The following RALGAPA2 variants were observed in gnomAD, a reference collection of about 807,000 sequenced individuals.
RALGAPA2 encodes the protein Ral GTPase activating protein catalytic subunit alpha 2.
In RALGAPA2, 139 loss-of-function variants were observed where a neutral mutation model predicts 230.4. That is an observed-to-expected ratio of 0.60 (90% confidence interval 0.53 to 0.69). RALGAPA2 has a LOEUF of 0.69. Among genes scored for constraint, RALGAPA2 ranks in the 30% least tolerant of loss-of-function variants. RALGAPA2 has a pLI of 0.00. For synonymous variants in RALGAPA2, 847 were observed against 837.8 expected (o/e 1.01, Z -0.19); for missense variants, 2,163 against 2,276.0 (o/e 0.95, Z 1.01).
chr20:20,697,530 G>A (rs1306445254), intron 1 of RALGAPA2, among the ~76,000 whole-genome samples: 4 of 152,160 alleles, frequency 2.6e-5, no homozygotes, highest in East Asian at 1.9e-4. Context: ...TAATGTGCCA[G>A]AATGCCTTTC....
At chr20:20,625,993 C>T (rs1031616806) in intron 10 of RALGAPA2, among the ~76,000 whole-genome samples, 9 of 152,174 alleles carry the variant, frequency 5.9e-5, no homozygotes, top group Admixed American at 3.9e-4. Flanking sequence ...CTGTCATGAG[C>T]CTCTCTGCCC....
chr20:20,490,334 T>C (rs2062018434), intron 36 of RALGAPA2, among the ~76,000 whole-genome samples: 1 of 152,216 alleles, frequency 6.6e-6, no homozygotes, highest in Non-Finnish European at 1.5e-5. Flanking sequence ...GTTCTCAATG[T>C]CATTCCTTTA....
chr20:20,410,339 T>C (rs1031572697), intron 38 of RALGAPA2, among the ~76,000 whole-genome samples: 1 of 152,206 alleles, frequency 6.6e-6, no homozygotes, highest in Non-Finnish European at 1.5e-5. Context: ...ATCTTAATAA[T>C]CTTAAGAATG....
At chr20:20,425,234 A>G (rs967434433) in intron 37 of RALGAPA2, among the ~76,000 whole-genome samples, 1 of 152,198 alleles carries the variant, frequency 6.6e-6, no homozygotes, top group Non-Finnish European at 1.5e-5. Flanking sequence ...CCTATAAACA[A>G]TCTCTTAGGC....
At chr20:20,528,191 G>A (rs575811439) in intron 27 of RALGAPA2, among the ~76,000 whole-genome samples, 1 of 152,202 alleles carries the variant, frequency 6.6e-6, no homozygotes, top group Non-Finnish European at 1.5e-5. Flanking sequence ...TGTAATGAAG[G>A]AGGTGGGGAA....
At chr20:20,605,859 C>T (rs952825171) in intron 14 of RALGAPA2, among the ~76,000 whole-genome samples, 1 of 152,032 alleles carries the variant, frequency 6.6e-6, no homozygotes, top group African/African-American at 2.4e-5. Flanking sequence ...CAATGAGACT[C>T]CCCTCAACCT....
intron 31 of RALGAPA2, among the ~76,000 whole-genome samples, chr20:20,519,296 T>C (rs1473576406): frequency 6.6e-6 from 1 of 151,760 alleles, no homozygotes; most frequent in Non-Finnish European, 1.5e-5. Flanking sequence ...TGCTCATGAC[T>C]GTCACCCCCA....
intron 22 of RALGAPA2, 113 bp downstream of exon 22, chr20:20,571,734 AG>A: frequency 6.9e-7 from 1 of 1,454,072 alleles, no homozygotes; most frequent in Non-Finnish European, 9.4e-7. Context: ...CAGTTACTTT[AG>A]TAAGACCCAG....
intron 26 of RALGAPA2, among the ~76,000 whole-genome samples, chr20:20,535,410 C>T (rs2063472021): frequency 1.3e-5 from 2 of 152,186 alleles, no homozygotes; most frequent in African/African-American, 4.8e-5. Context: ...AGTCACTACC[C>T]TACACATACA....
intron 37 of RALGAPA2, among the ~76,000 whole-genome samples, chr20:20,447,735 A>AT (rs2060896598): frequency 6.6e-6 from 1 of 151,778 alleles, no homozygotes; most frequent in East Asian, 1.9e-4. Context: ...AATGTCTCTC[A>AT]TTTTTTTGTC....
intron 37 of RALGAPA2, among the ~76,000 whole-genome samples, chr20:20,438,607 G>A (rs560716533): frequency 2.9e-4 from 44 of 152,280 alleles, no homozygotes; most frequent in Admixed American, 1.6e-3. Context: ...GCATGGGCCC[G>A]GGGCTGCCAG....
At chr20:20,465,149 T>TCTCTCACA (rs1556066770) in intron 37 of RALGAPA2, among the ~76,000 whole-genome samples, 39 of 109,210 alleles carry the variant, frequency 3.6e-4, no homozygotes, top group Non-Finnish European at 5.3e-4. Context: ...CCGCAGGCCT[T>TCTCTCACA]CACACACACA....
At chr20:20,527,933 A>G (rs2063261692) in intron 27 of RALGAPA2, among the ~76,000 whole-genome samples, 1 of 152,190 alleles carries the variant, frequency 6.6e-6, no homozygotes, top group African/African-American at 2.4e-5. Flanking sequence ...CTGGAAACAG[A>G]CAAGGGAAAA....
At chr20:20,446,577 T>C (rs137984798) in intron 37 of RALGAPA2, among the ~76,000 whole-genome samples, 1,785 of 152,324 alleles carry the variant, frequency 0.012, 37 homozygotes, top group African/African-American at 0.041. Flanking sequence ...GCAGGATTGC[T>C]GTGGAAAGCA....
chr20:20,540,238 A>C (rs1000099160), intron 24 of RALGAPA2, among the ~76,000 whole-genome samples: 1 of 152,192 alleles, frequency 6.6e-6, no homozygotes, highest in African/African-American at 2.4e-5. Flanking sequence ...AGTGTAGTAC[A>C]CGGGGATGAA....
intron 30 of RALGAPA2, among the ~76,000 whole-genome samples, chr20:20,522,493 A>T (rs550878715): frequency 5.8e-4 from 88 of 152,340 alleles, no homozygotes; most frequent in African/African-American, 2.0e-3. Context: ...TATAGAGTTC[A>T]AAACAGGCAA....
At chr20:20,615,022 G>C (rs1021701519) in intron 13 of RALGAPA2, among the ~76,000 whole-genome samples, 7 of 152,162 alleles carry the variant, frequency 4.6e-5, no homozygotes, top group Non-Finnish European at 1.0e-4. Flanking sequence ...CAAAGGACAG[G>C]CTTGAGGAGC....
chr20:20,563,339 A>G (rs914635192), intron 23 of RALGAPA2, among the ~76,000 whole-genome samples: 4 of 152,264 alleles, frequency 2.6e-5, no homozygotes, highest in Non-Finnish European at 5.9e-5. Context: ...AGAAATAATT[A>G]GTAACAAATA....
At chr20:20,527,560 A>G (rs1473551014) in intron 27 of RALGAPA2, among the ~76,000 whole-genome samples, 1 of 152,104 alleles carries the variant, frequency 6.6e-6, no homozygotes, top group African/African-American at 2.4e-5. Context: ...ATTGTGGCAC[A>G]AAATGTCATC....
Sources: allele counts gnomAD v4.1 joint callset (sites outside exome capture counted in the v4.1 genomes callset), GRCh38; gene constraint gnomAD v4.1.1; transcripts MANE v1.5; gene names NCBI Gene and HGNC (gene_info 2026-07-23, HGNC 2026-07-21).